TBC1D1: variants seen among roughly 807,000 people sequenced by gnomAD.
TBC1D1 encodes TBC1 domain family member 1.
TBC1D1 carries 89 observed loss-of-function variants against 125.6 expected under a neutral mutation model. The ratio of observed to expected loss-of-function variants is 0.71; its 90% CI spans 0.60 to 0.85. TBC1D1 has a LOEUF of 0.85. Ranked by LOEUF, TBC1D1 falls within the 40% of genes least tolerant of loss-of-function variation. TBC1D1 has a pLI of 0.00. For synonymous variants in TBC1D1, 565 were observed against 564.1 expected, an observed-to-expected ratio of 1.00 and a Z score of -0.02; for missense variants, 1,377 against 1,469.2, an observed-to-expected ratio of 0.94 and a Z score of 1.03.
intron 19 of TBC1D1, among the ~76,000 whole-genome samples, chr4:38,135,114 C>T (rs1766268121): frequency 6.6e-6 from 1 of 152,200 alleles, no homozygotes; most frequent in Non-Finnish European, 1.5e-5. Flanking sequence ...ACTTTTCAGA[C>T]ACTGACAAGG....
At chr4:37,968,046 A>C (rs73236862) in intron 2 of TBC1D1, among the ~76,000 whole-genome samples, 16,014 of 152,288 alleles carry the variant, frequency 0.11, 1,030 homozygotes, top group African/African-American at 0.17. Flanking sequence ...TAAAAAGTAA[A>C]CATGATTGCT....
intron 14 of TBC1D1, among the ~76,000 whole-genome samples, chr4:38,099,677 A>G (rs1004004239): frequency 6.6e-6 from 1 of 152,178 alleles, no homozygotes; most frequent in Non-Finnish European, 1.5e-5. Flanking sequence ...GGATGGAGGA[A>G]TGGCCTCCTG....
At chr4:38,029,461 G>A (rs532900971) in intron 7 of TBC1D1, among the ~76,000 whole-genome samples, 5 of 152,242 alleles carry the variant, frequency 3.3e-5, no homozygotes, top group South Asian at 2.1e-4. Context: ...TCTGCTTCCC[G>A]GGTTCAAGCA....
In TBC1D1 at chr4:38,030,899, A is replaced by G. The variant is rs536603611; in HGVS notation, c.1302+3020A>G. Among the ~76,000 whole-genome samples the G allele has an allele frequency of 2.6e-5, 4 of 152,350 alleles. No individual in the cohort carries two copies. The South Asian group carries it at 6.2e-4, about 24-fold the overall frequency. On this transcript the variant is annotated intron_variant, in intron 7 of 19. Transcript: ENST00000261439. Reference sequence around the variant, plus strand: ...TTAAATCAAAAAATGGAACTCTAACAGCTATAAAGAAATCACTAATAACTG... The same window carrying G: ...TTAAATCAAAAAATGGAACTCTAACGGCTATAAAGAAATCACTAATAACTG...
At chr4:38,133,364 C>T (rs1396931056) in intron 19 of TBC1D1, 107 bp downstream of exon 21, 2 of 978,026 alleles carry the variant, frequency 2.0e-6, no homozygotes, top group Non-Finnish European at 3.1e-6. Flanking sequence ...GAGGACCTTT[C>T]CCACCCTGAT....
rs375942723 is a variant in TBC1D1, at chr4:38,034,372, C to T, written c.1303-1216C>T. The stretch of plus-strand genomic sequence containing the variant: ...CTCCAAAATATTTAATATTTCAGTC[C>T]GAAATTTGAAAGAACAGGAAGGCCT... On this transcript the variant is annotated intron_variant, in intron 7 of 19. Transcript: ENST00000261439. 3.7e-4 allele frequency among the ~76,000 whole-genome samples: 56 copies of T among 152,222 alleles called. 1 individual carries two copies. The East Asian group carries it at 6.0e-3, about 16-fold the overall frequency.
At chr4:38,020,773 G>T in intron 5 of TBC1D1, 78 bp downstream of exon 5, 1 of 1,226,120 alleles carries the variant, frequency 8.2e-7, no homozygotes, top group East Asian at 2.4e-5. Flanking sequence ...TCTGTCCTTA[G>T]GGAAAACCAG....
chr4:38,058,294 T>G (rs901926187), intron 12 of TBC1D1, among the ~76,000 whole-genome samples: 1 of 152,160 alleles, frequency 6.6e-6, no homozygotes, highest in Non-Finnish European at 1.5e-5. Context: ...TGTGACCACT[T>G]TGACCCACAC....
intron 17 of TBC1D1, chr4:38,120,206 C>A: frequency 2.8e-6 from 2 of 726,774 alleles, no homozygotes; most frequent in Non-Finnish European, 3.4e-6. Context: ...ATTCCTGGAT[C>A]CCACAGACTC....
rs371533159 is a variant in TBC1D1 at position 38,139,096 on chromosome 4, A to G, written c.*1761A>G. 1.4e-4 allele frequency: 21 copies of G among 152,518 alleles called. No homozygotes were observed. The highest frequency in any genetic ancestry group is 4.3e-4 in the African/African-American group (18 of 41,428). The allele number at this position is 152,518 out of a possible 1,614,324, so 9.4% of individuals were successfully genotyped here. A position where few individuals can be genotyped will look rare whatever the true frequency, so the allele number is the denominator to read the frequency against. ...ACTGTTGGATTTTGGGCATCTTATTACTGTTACTCAAAAACATTGACTCTG... is the reference window on the plus strand; with the variant it reads ...ACTGTTGGATTTTGGGCATCTTATTGCTGTTACTCAAAAACATTGACTCTG... On this transcript the variant is annotated 3_prime_UTR_variant, in exon 20 of 20. Transcript: ENST00000261439.
At chr4:38,078,177 C>A (rs1184593885) in intron 12 of TBC1D1, among the ~76,000 whole-genome samples, 1 of 152,266 alleles carries the variant, frequency 6.6e-6, no homozygotes, top group East Asian at 1.9e-4. Flanking sequence ...TCAAACAAAT[C>A]CCTTTCTGGC....
intron 15 of TBC1D1, among the ~76,000 whole-genome samples, chr4:38,103,958 G>C (rs1760813768): frequency 6.6e-6 from 1 of 151,938 alleles, no homozygotes; most frequent in African/African-American, 2.4e-5. Context: ...AGGAGATCGA[G>C]ACCATCCTGG....
At chr4:37,906,452 C>T (rs765251793) in intron 2 of TBC1D1, among the ~76,000 whole-genome samples, 4 of 152,192 alleles carry the variant, frequency 2.6e-5, no homozygotes, top group African/African-American at 9.7e-5. Flanking sequence ...CTGGCCTCAT[C>T]CTTTCTTAAA....
intron 17 of TBC1D1, among the ~76,000 whole-genome samples, chr4:38,119,134 CAT>C (rs140199082): frequency 0.014 from 2,133 of 152,166 alleles, 35 homozygotes; most frequent in East Asian, 0.083. Context: ...AGCTTAAAAA[CAT>C]GTGATCTTTA....
chr4:38,028,951 AC>A (rs1280821529), intron 7 of TBC1D1, among the ~76,000 whole-genome samples: 2 of 152,254 alleles, frequency 1.3e-5, no homozygotes, highest in East Asian at 3.9e-4. Flanking sequence ...ACCTACAAAA[AC>A]AAAACAAAAT....
At chr4:38,027,315 G>A (rs1745258441) in intron 6 of TBC1D1, among the ~76,000 whole-genome samples, 2 of 152,214 alleles carry the variant, frequency 1.3e-5, no homozygotes, top group Non-Finnish European at 2.9e-5. Flanking sequence ...AGATAACAGT[G>A]ACACTATTAT....
At chr4:38,119,838 C>T in intron 17 of TBC1D1, 4 of 501,462 alleles carry the variant, frequency 8.0e-6, no homozygotes, top group Non-Finnish European at 1.0e-5. Flanking sequence ...AAAATTCTAC[C>T]AAGGCAACCA....
intron 10 of TBC1D1, 98 bp downstream of exon 10, chr4:38,046,001 C>T (rs1221476787): frequency 9.1e-7 from 1 of 1,099,624 alleles, no homozygotes; most frequent in East Asian, 2.4e-5. Flanking sequence ...ACGTTTGCTG[C>T]TTGCAAATTT....
At chr4:38,024,553 A>G (rs1257581765) in intron 6 of TBC1D1, among the ~76,000 whole-genome samples, 9 of 152,270 alleles carry the variant, frequency 5.9e-5, no homozygotes, top group African/African-American at 2.2e-4. Context: ...ACAAAACTCT[A>G]CTAACATGAG....
Sources: gnomAD v4.1 joint callset for allele counts (sites outside exome capture counted in the v4.1 genomes callset) on GRCh38, gnomAD v4.1.1 for gene constraint, MANE v1.5 for transcripts, NCBI Gene and HGNC (gene_info 2026-07-23, HGNC 2026-07-21) for gene names.